Variants in HSF1 observed in about 807,000 individuals in gnomAD.
HSF1 encodes heat shock transcription factor 1.
HSF1 carries 32 observed loss-of-function variants against 51.7 expected under a neutral mutation model. The ratio of observed to expected loss-of-function variants is 0.62; its 90% confidence interval spans 0.47 to 0.83. HSF1 has a LOEUF of 0.83. HSF1 is among the 40% of genes least tolerant of loss of function. The pLI, the probability that HSF1 is intolerant of heterozygous loss-of-function variation, is 0.00. For missense variants in HSF1, 727 were observed against 717.0 expected (o/e 1.01, Z -0.16); for synonymous variants, 396 against 309.7 (o/e 1.28, Z -2.92).
At chr8:144,304,685 C>T (rs1554842970) in intron 1 of HSF1, among the ~76,000 whole-genome samples, 1 of 152,090 alleles carries the variant, frequency 6.6e-6, no homozygotes, top group Non-Finnish European at 1.5e-5. Context: ...CTCGCTCTGT[C>T]ACCCAGGCTA....
chr8:144,306,908 T>C (rs1048164487), intron 1 of HSF1, among the ~76,000 whole-genome samples: 5 of 152,126 alleles, frequency 3.3e-5, no homozygotes, highest in Admixed American at 6.5e-5. Flanking sequence ...CTCCCGTCTT[T>C]TCCGGGGGCT....
chr8:144,311,259 G>A lies in HSF1; in HGVS notation c.564+10G>A. ...GAAAGTCGTCAACAAGGTGGGGGCAGGGCCAGAGGGCCGGCGGGGGCCCCA... is the reference window on the plus strand; with the variant it reads ...GAAAGTCGTCAACAAGGTGGGGGCAAGGCCAGAGGGCCGGCGGGGGCCCCA... On this transcript the variant is annotated intron_variant, in intron 5 of 12. Transcript: ENST00000528838. The A allele has an allele frequency of 6.2e-7, 1 of 1,613,480 alleles. No homozygotes were observed. The highest frequency in any genetic ancestry group is 8.5e-7 in the Non-Finnish European group (1 of 1,179,986).
rs139617123 is a variant in HSF1, at chr8:144,299,385, C to T, written c.117+7511C>T. ...CCGGGAGGCAGAGGTTGCAGTGAGC[C>T]GAGATCGCATCACTGCACTTCAGCC... On this transcript the variant is annotated intron_variant, in intron 1 of 12. Transcript: ENST00000528838. 5.6e-3 allele frequency among the ~76,000 whole-genome samples: 844 copies of T among 150,652 alleles called. 6 individuals carry two copies. The highest frequency in any genetic ancestry group is 0.019 in the African/African-American group (799 of 41,004).
At position 144,293,921 on chromosome 8, in the gene HSF1, A is replaced by G. The variant is rs186476635; in HGVS notation, c.117+2047A>G. On this transcript the variant is annotated intron_variant, in intron 1 of 12. Coordinates refer to ENST00000528838, the MANE Select transcript of HSF1 (RefSeq NM_005526.4). ...TTATGAGGCATGTGGGTTAGGGCCCAGTGTACCCTTTTTTGGGACCGAGGC... is the reference window on the plus strand; with the variant it reads ...TTATGAGGCATGTGGGTTAGGGCCCGGTGTACCCTTTTTTGGGACCGAGGC... Among the ~76,000 whole-genome samples, 775 of 151,622 alleles carry G rather than the reference A, an allele frequency of 5.1e-3. 3 individuals are homozygous for G. Among genetic ancestry groups the G allele is most frequent in the Non-Finnish European group, 8.7e-3 (590 of 67,954 alleles).
intron 1 of HSF1, among the ~76,000 whole-genome samples, chr8:144,294,821 G>T (rs2130312642): frequency 6.6e-6 from 1 of 151,544 alleles, no homozygotes; most frequent in South Asian, 2.1e-4. Flanking sequence ...CAAGGGCCTT[G>T]AGGGGACCCA....
At chr8:144,308,874 A>G in intron 1 of HSF1, 32 bp from the exon 2 acceptor site, 1 of 1,575,188 alleles carries the variant, frequency 6.3e-7, no homozygotes, top group East Asian at 2.2e-5. Context: ...CCTCACCACC[A>G]CGCGTGACCC....
chr8:144,314,073 G>T lies in HSF1; in HGVS notation c.1384+19G>T. The stretch of plus-strand genomic sequence containing the variant: ...GATTCAGGTGAGCCAAGTCCCACCG[G>T]CCCCACCTCTGCCCCCAACCCCCCA... On this transcript the variant is annotated intron_variant, in intron 12 of 12. Transcript: ENST00000528838. 1 of 1,601,904 alleles carries T rather than the reference G, an allele frequency of 6.2e-7. No individual in the cohort carries two copies. Among genetic ancestry groups the T allele is most frequent in the Non-Finnish European group, 8.5e-7 (1 of 1,175,074 alleles).
intron 1 of HSF1, among the ~76,000 whole-genome samples, chr8:144,292,188 G>T (rs1011849415): frequency 7.2e-5 from 11 of 152,266 alleles, no homozygotes; most frequent in Admixed American, 3.3e-4. Flanking sequence ...AAGTGTCCGC[G>T]CTTAGGGCAA....
At chr8:144,302,422 G>A (rs1486441946) in intron 1 of HSF1, among the ~76,000 whole-genome samples, 1 of 149,550 alleles carries the variant, frequency 6.7e-6, no homozygotes, top group Non-Finnish European at 1.5e-5. Flanking sequence ...TGGGAGAATC[G>A]CATGAACCCG....
At chr8:144,313,327 G>T in intron 9 of HSF1, 184 bp from the exon 10 acceptor site, 1 of 570,224 alleles carries the variant, frequency 1.8e-6, no homozygotes, top group Non-Finnish European at 3.1e-6. Flanking sequence ...CCGCACCCCT[G>T]CAGGGCACAG....
chr8:144,308,352 G>A (rs1816364803), intron 1 of HSF1, among the ~76,000 whole-genome samples: 1 of 152,242 alleles, frequency 6.6e-6, no homozygotes, highest in African/African-American at 2.4e-5. Context: ...GAAGAGGAAG[G>A]TATATGCAGT....
At chr8:144,310,996 A>G (rs1816601263) in intron 4 of HSF1, 178 bp from the exon 5 acceptor site, 1 of 623,594 alleles carries the variant, frequency 1.6e-6, no homozygotes, top group East Asian at 2.8e-5. Context: ...GGGACCAGCA[A>G]GCCCTGGCCC....
At chr8:144,304,671 G>A (rs1816099190) in intron 1 of HSF1, among the ~76,000 whole-genome samples, 1 of 152,022 alleles carries the variant, frequency 6.6e-6, no homozygotes, top group South Asian at 2.1e-4. Context: ...TTTGGAGATG[G>A]AGTCTCGCTC....
intron 1 of HSF1, among the ~76,000 whole-genome samples, chr8:144,294,300 C>T (rs782486014): frequency 6.6e-6 from 1 of 152,140 alleles, no homozygotes; most frequent in Non-Finnish European, 1.5e-5. Context: ...CTCACACAAG[C>T]CCTGAGGACT....
intron 1 of HSF1, among the ~76,000 whole-genome samples, chr8:144,298,570 G>A (rs1204434663): frequency 4.0e-5 from 6 of 149,650 alleles, no homozygotes; most frequent in African/African-American, 1.2e-4. Flanking sequence ...GCGCCGCTGC[G>A]CTCCAGCCAC....
chr8:144,310,080 G>A (rs1045803432), intron 4 of HSF1, 184 bp downstream of exon 4: 3 of 672,228 alleles, frequency 4.5e-6, no homozygotes, highest in African/African-American at 3.6e-5. Flanking sequence ...CAGCTCTGGG[G>A]CCAGCCGTTT....
rs1008375589 is a variant in HSF1 at position 144,312,743 on chromosome 8, G to A, written c.1142+499G>A. The A allele has an allele frequency of 4.9e-5, 74 of 1,520,164 alleles. No individual in the cohort carries two copies. In the African/African-American group the frequency reaches 8.7e-4, roughly 18 times the overall value. 94.2% of individuals were successfully genotyped at this position (1,520,164 alleles called of 1,614,324 possible). A position where few individuals can be genotyped will look rare whatever the true frequency, so the allele number is the denominator to read the frequency against. On this transcript the variant is annotated intron_variant, in intron 9 of 12. Coordinates refer to ENST00000528838, the MANE Select transcript of HSF1 (RefSeq NM_005526.4). Reference sequence around the variant, plus strand: ...GCTGACCCCACTGGGGAGGGAGGAGGGCTCTGCCAGCGCTCGGGCCCTCCC... The same window carrying A: ...GCTGACCCCACTGGGGAGGGAGGAGAGCTCTGCCAGCGCTCGGGCCCTCCC...
At chr8:144,307,534 A>G (rs1240088558) in intron 1 of HSF1, among the ~76,000 whole-genome samples, 1 of 152,238 alleles carries the variant, frequency 6.6e-6, no homozygotes, top group Non-Finnish European at 1.5e-5. Flanking sequence ...GAGGTCAGGA[A>G]TTCGAGACCA....
rs146075122 is a variant in HSF1 at position 144,305,723 on chromosome 8, A to ATTTTTT, written c.118-3161_118-3156dup. 2.4e-4 allele frequency among the ~76,000 whole-genome samples: 19 copies of ATTTTTT among 78,492 alleles called. 1 individual carries two copies. The highest frequency in any genetic ancestry group is 3.1e-4 in the Non-Finnish European group (14 of 45,732). The allele number at this position is 78,492 out of a possible 152,430, so 51.5% of individuals were successfully genotyped here. A position where few individuals can be genotyped will look rare whatever the true frequency, so the allele number is the denominator to read the frequency against. The stretch of plus-strand genomic sequence containing the variant: ...GTCTGCTCTTAAGCCCCTCTGGTTA[A>ATTTTTT]TTTTTTTTTTTTTTTTTTTTTTTTT... On this transcript the variant is annotated intron_variant, in intron 1 of 12. Coordinates refer to ENST00000528838, the MANE Select transcript of HSF1 (RefSeq NM_005526.4).
Sources: allele counts gnomAD v4.1 joint callset (sites outside exome capture counted in the v4.1 genomes callset), GRCh38; gene constraint gnomAD v4.1.1; transcripts MANE v1.5; gene names NCBI Gene and HGNC (gene_info 2026-07-23, HGNC 2026-07-21).